Variants in PLCE1 observed in about 807,000 individuals in gnomAD.
PLCE1 encodes the protein phospholipase C epsilon 1.
Under a neutral mutation model 242.8 loss-of-function variants are expected in PLCE1, and 119 were observed. The observed-to-expected ratio is 0.49, with a 90% CI of 0.42 to 0.57. The LOEUF is 0.57. Among genes scored for constraint, PLCE1 ranks in the 20% least tolerant of loss-of-function variants. The pLI is 0.00. For missense variants in PLCE1, 2,441 were observed against 2,788.8 expected, an observed-to-expected ratio of 0.88 and a Z score of 2.81; for synonymous variants, 945 against 1,017.4, an observed-to-expected ratio of 0.93 and a Z score of 1.35.
At chr10:94,233,950 A>G in intron 5 of PLCE1, 104 bp from the exon 6 acceptor site, 1 of 1,163,292 alleles carries the variant, frequency 8.6e-7, no homozygotes, top group South Asian at 1.4e-5. Flanking sequence ...TCCACCTAAA[A>G]AAAAAAAATG....
At chr10:94,174,696 AT>A (rs1183577368) in intron 4 of PLCE1, among the ~76,000 whole-genome samples, 6 of 152,210 alleles carry the variant, frequency 3.9e-5, no homozygotes, top group African/African-American at 1.4e-4. Flanking sequence ...ATGAAAAAAA[AT>A]ATCAGGCAAC....
At chr10:94,011,911 C>G (rs7089649) in intron 1 of PLCE1, among the ~76,000 whole-genome samples, 2 of 152,034 alleles carry the variant, frequency 1.3e-5, no homozygotes, top group Non-Finnish European at 2.9e-5. Context: ...ACCAGGTGAC[C>G]AAATTTGGGG....
chr10:94,233,529 G>T (rs115911264), intron 5 of PLCE1, among the ~76,000 whole-genome samples: 12 of 152,198 alleles, frequency 7.9e-5, no homozygotes, highest in Middle Eastern at 3.4e-3. Context: ...TAACTAACGC[G>T]TCCCATATGC....
intron 3 of PLCE1, among the ~76,000 whole-genome samples, chr10:94,164,297 T>G (rs1009925016): frequency 3.3e-5 from 5 of 152,192 alleles, no homozygotes; most frequent in Non-Finnish European, 7.3e-5. Flanking sequence ...ACCAGTCAGA[T>G]GTAGATTTGG....
chr10:94,195,307 G>A (rs1158309363), intron 4 of PLCE1, among the ~76,000 whole-genome samples: 1 of 152,066 alleles, frequency 6.6e-6, no homozygotes, highest in African/African-American at 2.4e-5. Context: ...GAGAGAAAGG[G>A]CAATGGGCTG....
At chr10:94,278,867 GCA>G (rs2052074228) in intron 19 of PLCE1, among the ~76,000 whole-genome samples, 1 of 151,630 alleles carries the variant, frequency 6.6e-6, no homozygotes, top group East Asian at 1.9e-4. Context: ...GTATATATTA[GCA>G]CACATGTATG....
chr10:94,043,098 A>G (rs574960983), intron 2 of PLCE1, among the ~76,000 whole-genome samples: 1 of 152,196 alleles, frequency 6.6e-6, no homozygotes, highest in Non-Finnish European at 1.5e-5. Context: ...AGCGTGTTGT[A>G]TATTAAAGTG....
At chr10:94,269,526 C>T (rs1212626925) in intron 17 of PLCE1, among the ~76,000 whole-genome samples, 1 of 152,128 alleles carries the variant, frequency 6.6e-6, no homozygotes, top group Non-Finnish European at 1.5e-5. Context: ...TGCACATGTT[C>T]ATTTTTCTGG....
At chr10:94,222,034 A>G (rs1203938167) in intron 4 of PLCE1, among the ~76,000 whole-genome samples, 1 of 151,898 alleles carries the variant, frequency 6.6e-6, no homozygotes, top group East Asian at 1.9e-4. Context: ...GCCTCCTGGG[A>G]CTCTGGATGG....
intron 2 of PLCE1, among the ~76,000 whole-genome samples, chr10:94,040,508 C>T (rs1036668668): frequency 9.9e-5 from 15 of 152,156 alleles, no homozygotes; most frequent in South Asian, 4.1e-4. Flanking sequence ...TAATGCACTC[C>T]GTTATGCACA....
At chr10:94,043,239 AC>A (rs1210255011) in intron 2 of PLCE1, among the ~76,000 whole-genome samples, 1 of 152,264 alleles carries the variant, frequency 6.6e-6, no homozygotes, top group African/African-American at 2.4e-5. Context: ...ACAAAACAAA[AC>A]CAGAGGCACC....
rs11187863 is a variant in PLCE1 at position 94,321,700 on chromosome 10, T to G, written c.6343-201T>G. ...GCTTGTTATGGATCTATCAACATCA[T>G]CAGAAGCACAGTAGTTTCCTCCTCT... On this transcript the variant is annotated intron_variant, in intron 29 of 32. Transcript: ENST00000371380. Among the ~76,000 whole-genome samples, 13,429 of 151,522 alleles carry G rather than the reference T, an allele frequency of 0.089. 666 individuals are homozygous for G. Among genetic ancestry groups the G allele is most frequent in the East Asian group, 0.2 (999 of 5,120 alleles).
Position 94,246,940 on chromosome 10 carries a change from C to T in PLCE1, c.3096+319C>T, listed in dbSNP as rs193197952. Among the ~76,000 whole-genome samples the T allele has an allele frequency of 2.6e-3, 392 of 151,986 alleles. 2 individuals are homozygous for T. Among genetic ancestry groups the T allele is most frequent in the African/African-American group, 8.9e-3 (371 of 41,466 alleles). On this transcript the variant is annotated intron_variant, in intron 8 of 32. Transcript: ENST00000371380. Reference sequence around the variant, plus strand: ...CGGCCTGGCCAACATGGTGAAACCCCGTCTCTACTAAAAATACAAAAATTT... The same window carrying T: ...CGGCCTGGCCAACATGGTGAAACCCTGTCTCTACTAAAAATACAAAAATTT...
intron 4 of PLCE1, among the ~76,000 whole-genome samples, chr10:94,201,834 C>T (rs1172697161): frequency 2.6e-5 from 4 of 152,158 alleles, no homozygotes; most frequent in Admixed American, 1.3e-4. Flanking sequence ...CCAAGGGAAA[C>T]ATTTAGTACA....
intron 1 of PLCE1, among the ~76,000 whole-genome samples, chr10:94,002,922 T>C (rs61376562): frequency 0.015 from 2,361 of 152,328 alleles, 27 homozygotes; most frequent in African/African-American, 0.032. Flanking sequence ...GAAAATATGA[T>C]TAAGTATAGA....
At chr10:94,187,536 A>G (rs1458116661) in intron 4 of PLCE1, among the ~76,000 whole-genome samples, 2 of 152,266 alleles carry the variant, frequency 1.3e-5, no homozygotes, top group East Asian at 1.9e-4. Flanking sequence ...CTCGGTACCC[A>G]TTACAGAGTG....
intron 21 of PLCE1, 89 bp from the exon 22 acceptor site, chr10:94,284,759 C>T (rs2133335880): frequency 1.3e-6 from 1 of 783,884 alleles, no homozygotes; most frequent in African/African-American, 1.7e-5. Context: ...GTAATAACAC[C>T]AGAGGAGGAC....
chr10:94,046,483 C>G (rs962059515), intron 2 of PLCE1, among the ~76,000 whole-genome samples: 1 of 152,156 alleles, frequency 6.6e-6, no homozygotes, highest in Non-Finnish European at 1.5e-5. Flanking sequence ...TCAGGTCCAA[C>G]CCTTCATTTT....
At chr10:94,097,481 C>T (rs1181359757) in intron 2 of PLCE1, among the ~76,000 whole-genome samples, 1 of 152,098 alleles carries the variant, frequency 6.6e-6, no homozygotes, top group African/African-American at 2.4e-5. Flanking sequence ...TGCTAAGTGC[C>T]AGGATGTAGA....
Sources: gnomAD v4.1 joint callset for allele counts (sites outside exome capture counted in the v4.1 genomes callset) on GRCh38, gnomAD v4.1.1 for gene constraint, MANE v1.5 for transcripts, NCBI Gene and HGNC (gene_info 2026-07-23, HGNC 2026-07-21) for gene names.